Variants in IL34 observed in about 807,000 individuals in gnomAD.
The protein encoded by IL34 is interleukin-34.
Under a neutral mutation model 25.3 loss-of-function variants are expected in IL34, and 17 were observed. The ratio of observed to expected loss-of-function variants is 0.67; its 90% confidence interval spans 0.46 to 1.01. IL34 has a LOEUF of 1.01. Among genes scored for constraint, IL34 ranks in the 50% least tolerant of loss-of-function variants. The pLI, the probability that IL34 is intolerant of heterozygous loss-of-function variation, is 0.00. For synonymous variants in IL34, 174 were observed against 140.9 expected (o/e 1.23, Z -1.66); for missense variants, 368 against 312.9 (o/e 1.18, Z -1.33).
At chr16:70,652,081 T>C (rs1185322096) in intron 1 of IL34, among the ~76,000 whole-genome samples, 4 of 151,668 alleles carry the variant, frequency 2.6e-5, no homozygotes, top group South Asian at 2.1e-4. Flanking sequence ...TGAGCCAAGA[T>C]TGCGCCACGG....
intron 1 of IL34, among the ~76,000 whole-genome samples, chr16:70,603,951 T>A (rs2050959060): frequency 6.6e-6 from 1 of 152,212 alleles, no homozygotes; most frequent in South Asian, 2.1e-4. Context: ...TTGATACATG[T>A]TAGCAGAGAA....
At chr16:70,628,109 T>G (rs1343807354) in intron 1 of IL34, among the ~76,000 whole-genome samples, 1 of 152,220 alleles carries the variant, frequency 6.6e-6, no homozygotes, top group Non-Finnish European at 1.5e-5. Flanking sequence ...TTGGATTTTT[T>G]TGGTCTTTTT....
intron 1 of IL34, among the ~76,000 whole-genome samples, chr16:70,621,435 G>A (rs530360166): frequency 1.3e-5 from 2 of 151,852 alleles, no homozygotes; most frequent in East Asian, 1.9e-4. Context: ...AGTGAGAGAG[G>A]TTGGAGAAGA....
At chr16:70,637,046 G>C (rs1470808472) in intron 1 of IL34, among the ~76,000 whole-genome samples, 1 of 151,794 alleles carries the variant, frequency 6.6e-6, no homozygotes, top group Non-Finnish European at 1.5e-5. Flanking sequence ...ATTTTTAGTA[G>C]AGACGGGGTT....
At chr16:70,655,314 G>A (rs995199978) in intron 2 of IL34, among the ~76,000 whole-genome samples, 7 of 152,054 alleles carry the variant, frequency 4.6e-5, no homozygotes, top group African/African-American at 1.7e-4. Flanking sequence ...GCCTCCCAAA[G>A]TGCTGGGATT....
At chr16:70,580,494 A>C (rs1193742704) in intron 1 of IL34, among the ~76,000 whole-genome samples, 2 of 152,204 alleles carry the variant, frequency 1.3e-5, no homozygotes, top group Non-Finnish European at 2.9e-5. Context: ...AAATTAATTG[A>C]CTTGGCCAGG....
intron 1 of IL34, among the ~76,000 whole-genome samples, chr16:70,615,971 C>T (rs2051166929): frequency 6.6e-6 from 1 of 152,116 alleles, no homozygotes; most frequent in Non-Finnish European, 1.5e-5. Flanking sequence ...AATCCGTCCC[C>T]CCTCAAACTC....
intron 1 of IL34, among the ~76,000 whole-genome samples, chr16:70,620,489 G>C (rs944731698): frequency 5.9e-5 from 9 of 152,126 alleles, no homozygotes; most frequent in Admixed American, 3.9e-4. Flanking sequence ...AGGAAGAATT[G>C]GGACCTAGCT....
At position 70,657,091 on chromosome 16, in the gene IL34, G is replaced by A. The variant is rs772518810; in HGVS notation, c.372G>A (p.Thr124=). Residue 124 remains threonine, a synonymous_variant, in exon 4 of 6, where the codon ACG becomes ACA. Coordinates refer to ENST00000288098, the MANE Select transcript of IL34 (RefSeq NM_001393494.1). ...GGAAGTACCTGCAGGAGGTGGAGAC[G>A]CTGCTGCTGAATGTCCAGCAGGGCC... ...PSWKYLQEVE[T]LLLNVQQGLT... 9.3e-6 allele frequency: 15 copies of A among 1,613,070 alleles called. No homozygotes were observed. Among genetic ancestry groups the A allele is most frequent in the Non-Finnish European group, 1.2e-5 (14 of 1,179,932 alleles).
intron 1 of IL34, among the ~76,000 whole-genome samples, chr16:70,614,057 G>A (rs1183716349): frequency 1.3e-5 from 2 of 151,412 alleles, no homozygotes; most frequent in South Asian, 2.1e-4. Context: ...GGTGGTGCAC[G>A]CCTGTAGCCC....
intron 1 of IL34, among the ~76,000 whole-genome samples, chr16:70,610,993 A>T (rs2051082628): frequency 7.1e-6 from 1 of 139,946 alleles, no homozygotes; most frequent in African/African-American, 2.7e-5. Flanking sequence ...TTGTTGTTTG[A>T]GACAGGGTCT....
At chr16:70,611,111 C>T (rs1294006788) in intron 1 of IL34, among the ~76,000 whole-genome samples, 5 of 152,052 alleles carry the variant, frequency 3.3e-5, no homozygotes, top group South Asian at 2.1e-4. Flanking sequence ...CCTGAGTAGC[C>T]GAGACTACAG....
intron 1 of IL34, among the ~76,000 whole-genome samples, chr16:70,638,202 C>A (rs142114605): frequency 1.3e-5 from 2 of 152,078 alleles, no homozygotes; most frequent in Non-Finnish European, 2.9e-5. Flanking sequence ...TCAGACTGGG[C>A]GCGATGGCTC....
At chr16:70,629,741 T>C (rs1231083780) in intron 1 of IL34, among the ~76,000 whole-genome samples, 1 of 152,050 alleles carries the variant, frequency 6.6e-6, no homozygotes, top group Non-Finnish European at 1.5e-5. Flanking sequence ...GCGTACATAG[T>C]AGATATATAT....
intron 1 of IL34, among the ~76,000 whole-genome samples, chr16:70,596,673 G>A (rs376600790): frequency 1.5e-4 from 23 of 152,318 alleles, no homozygotes; most frequent in African/African-American, 4.3e-4. Flanking sequence ...TGCAGTGGGG[G>A]TAGAGCGACT....
chr16:70,638,392 T>A (rs2051704815), intron 1 of IL34, among the ~76,000 whole-genome samples: 1 of 151,032 alleles, frequency 6.6e-6, no homozygotes. Context: ...GGCAGAAGGA[T>A]CTTGAGCCCA....
chr16:70,617,407 CAA>C (rs1567446152), intron 1 of IL34, among the ~76,000 whole-genome samples: 1 of 152,068 alleles, frequency 6.6e-6, no homozygotes. Context: ...GCAGTGTAAA[CAA>C]GAGCAGGGCA....
intron 1 of IL34, 58 bp downstream of exon 1, chr16:70,647,033 A>G: frequency 7.2e-7 from 1 of 1,385,498 alleles, no homozygotes; most frequent in East Asian, 3.1e-5. Flanking sequence ...TAGATCCAGG[A>G]TCTGCCGTAA....
At position 70,607,495 on chromosome 16, in the gene IL34, C is replaced by G. The variant is rs537094275; in HGVS notation, c.-401+27446C>G. Among the ~76,000 whole-genome samples, 17 of 152,306 alleles carry G rather than the reference C, an allele frequency of 1.1e-4. No homozygotes were observed. The South Asian group carries it at 3.5e-3, about 32-fold the overall frequency. On this transcript the variant is annotated intron_variant, in intron 1 of 6. Transcript: ENST00000429149. ...ATGCATCCCTCCCCCTTTTTCTGGC[C>G]TGATTGCACTGGCTGGAATCTCCAG...
Sources: gnomAD v4.1 joint callset for allele counts (sites outside exome capture counted in the v4.1 genomes callset) on GRCh38, gnomAD v4.1.1 for gene constraint, MANE v1.5 for transcripts, NCBI Gene and HGNC (gene_info 2026-07-23, HGNC 2026-07-21) for gene names.